Variants in ECE1 observed in about 807,000 individuals in gnomAD.
ECE1 encodes the protein endothelin converting enzyme 1.
In ECE1, 35 loss-of-function variants were observed where a neutral mutation model predicts 98.6. The ratio of observed to expected loss-of-function variants is 0.35; its 90% CI spans 0.27 to 0.47. The LOEUF (loss-of-function observed/expected upper bound fraction) is 0.47, where lower values mean the gene tolerates loss of function less well. Ranked by LOEUF, ECE1 falls within the 20% of genes least tolerant of loss-of-function variation. The pLI is 1.00. For synonymous variants in ECE1, 394 were observed against 407.1 expected (o/e 0.97, Z 0.39); for missense variants, 814 against 1,025.3 (o/e 0.79, Z 2.81).
rs1465744677 is a variant in ECE1 at position 21,235,793 on chromosome 1, G to A, written c.1566+57C>T. Reference sequence around the variant, plus strand: ...CCCCATCTGGACCCAGCCCTGCCTCGGCCCTTTTCTAAGGGGGCATTTAGG... The same window carrying A: ...CCCCATCTGGACCCAGCCCTGCCTCAGCCCTTTTCTAAGGGGGCATTTAGG... On this transcript the variant is annotated intron_variant, in intron 13 of 18. Coordinates refer to ENST00000374893, the MANE Select transcript of ECE1 (RefSeq NM_001397.3). The surrounding 1 kb of genome is among the most constrained non-coding windows in gnomAD (Gnocchi z 4.2). 2.2e-5 allele frequency: 35 copies of A among 1,563,368 alleles called. No homozygotes were observed. The highest frequency in any genetic ancestry group is 4.5e-5 in the East Asian group (2 of 44,624).
chr1:21,238,142 T>G lies in ECE1; in HGVS notation c.1381A>C (p.Lys461Gln). ...FVKATFAEDS[K>Q]SIATEIILEI... ...ACGGGGAAGGCACTTACTATGCTCTTGCTGTCCTCGGCGAAGGTTGCTTTG... is the reference window on the plus strand; with the variant it reads ...ACGGGGAAGGCACTTACTATGCTCTGGCTGTCCTCGGCGAAGGTTGCTTTG... Residue 461 changes from lysine to glutamine, a missense_variant, in exon 11 of 19, where the codon AAG becomes CAG. Physicochemically the swap from Lys to Gln is moderately conservative, Grantham distance 53. Transcript: ENST00000374893. 6.2e-7 allele frequency: 1 copy of G among 1,614,210 alleles called. No homozygotes were observed. The highest frequency in any genetic ancestry group is 1.1e-5 in the South Asian group (1 of 91,082).
Position 21,276,026 on chromosome 1 carries a change from C to CTTT in ECE1, c.281-3118_281-3116dup, listed in dbSNP as rs532213567. On this transcript the variant is annotated intron_variant, in intron 3 of 18. Transcript: ENST00000374893. ...GCAACTAGCAGCTGTTTAATACGTGCTTTTTTTTTTTTTTTTTTTTTTTGA... is the reference window on the plus strand; with the variant it reads ...GCAACTAGCAGCTGTTTAATACGTGCTTTTTTTTTTTTTTTTTTTTTTTTTTGA... Among the ~76,000 whole-genome samples, 647 of 91,216 alleles carry CTTT rather than the reference C, an allele frequency of 7.1e-3. 6 individuals carry two copies. Among genetic ancestry groups the CTTT allele is most frequent in the African/African-American group, 0.016 (312 of 19,544 alleles). The allele number at this position is 91,216 out of a possible 152,430, so 59.8% of individuals were successfully genotyped here.
intron 2 of ECE1, among the ~76,000 whole-genome samples, chr1:21,285,506 G>C (rs1457404125): frequency 6.6e-6 from 1 of 151,996 alleles, no homozygotes; most frequent in Non-Finnish European, 1.5e-5. Flanking sequence ...AGTATTGAGC[G>C]GGCTTGTCCC....
At position 21,233,412 on chromosome 1, in the gene ECE1, G is replaced by T; in HGVS notation, c.1670+146C>A. On this transcript the variant is annotated intron_variant, in intron 14 of 18. Transcript: ENST00000374893. This position sits in a 1 kb window ranked among gnomAD's most constrained non-coding sequence, Gnocchi z 4.0. The stretch of plus-strand genomic sequence containing the variant: ...CCCTTGGTTTCTTCATCTGAAAAGT[G>T]GGATAACAAGGGCATCCACTCTTCA... 2 of 666,564 alleles carry T rather than the reference G, an allele frequency of 3.0e-6. No individual in the cohort carries two copies. Among genetic ancestry groups the T allele is most frequent in the Non-Finnish European group, 5.1e-6 (2 of 394,430 alleles). 41.3% of individuals were successfully genotyped at this position (666,564 alleles called of 1,614,324 possible).
chr1:21,326,169 A>G (rs1174354075), intron 1 of ECE1, among the ~76,000 whole-genome samples: 1 of 151,896 alleles, frequency 6.6e-6, no homozygotes, highest in Non-Finnish European at 1.5e-5. Context: ...GCTGCTTCCC[A>G]GACTCAGCTG....
Position 21,225,106 on chromosome 1 carries a change from G to A in ECE1, c.2040+144C>T, listed in dbSNP as rs2098172221. The stretch of plus-strand genomic sequence containing the variant: ...ACGGTCGGCATCGCGATTGGTCCTC[G>A]CCACCCCCAATTTCGCAGAAGAGGA... On this transcript the variant is annotated intron_variant, in intron 17 of 18. Coordinates refer to ENST00000374893, the MANE Select transcript of ECE1 (RefSeq NM_001397.3). The surrounding 1 kb of genome is among the most constrained non-coding windows in gnomAD (Gnocchi z 5.3). 6.3e-6 allele frequency: 7 copies of A among 1,117,020 alleles called. No homozygotes were observed. Among genetic ancestry groups the A allele is most frequent in the Admixed American group, 2.2e-5 (1 of 44,760 alleles). 69.2% of individuals were successfully genotyped at this position (1,117,020 alleles called of 1,614,324 possible). A position where few individuals can be genotyped will look rare whatever the true frequency, so the allele number is the denominator to read the frequency against.
chr1:21,299,905 T>C (rs1195427926), intron 1 of ECE1: 3 of 152,212 alleles, frequency 2.0e-5, no homozygotes, highest in African/African-American at 4.8e-5. Context: ...TTTCATTCCA[T>C]AGAGTCCTTT....
Position 21,270,699 on chromosome 1 carries a change from A to C in ECE1, c.493+2000T>G, listed in dbSNP as rs376423855. On this transcript the variant is annotated intron_variant, in intron 4 of 18. Transcript: ENST00000374893. ...AAACAGCAGCCACCACAACATGCCAAGCCTAGGCATGGTTTAAATACATTT... is the reference window on the plus strand; with the variant it reads ...AAACAGCAGCCACCACAACATGCCACGCCTAGGCATGGTTTAAATACATTT... Among the ~76,000 whole-genome samples the C allele has an allele frequency of 6.6e-5, 10 of 152,230 alleles. No homozygotes were observed. The East Asian group carries it at 7.7e-4, about 12-fold the overall frequency.
chr1:21,342,842 G>A (rs1234272355), intron 1 of ECE1, among the ~76,000 whole-genome samples: 1 of 152,180 alleles, frequency 6.6e-6, no homozygotes, highest in African/African-American at 2.4e-5. Flanking sequence ...TAAAATGACA[G>A]GAGCCAGGGA....
rs2098204345 is a variant in ECE1, at chr1:21,246,849, C to T, written c.1163+372G>A. ...TAATTTTTTATTTTTTGTAGAGACA[C>T]CGTCTCGCCATGTTGCCCAGGCTGG... On this transcript the variant is annotated intron_variant, in intron 9 of 18. Transcript: ENST00000374893. Among the ~76,000 whole-genome samples, 3 of 152,126 alleles carry T rather than the reference C, an allele frequency of 2.0e-5. 1 individual carries two copies. In the South Asian group the frequency reaches 6.2e-4, roughly 32 times the overall value.
In ECE1 at chr1:21,225,292, C is replaced by T; in HGVS notation, c.1998G>A (p.Gly666=). Residue 666 remains glycine (G), a synonymous_variant, in exon 17 of 19, where the codon GGG becomes GGA. Coordinates refer to ENST00000374893, the MANE Select transcript of ECE1 (RefSeq NM_001397.3). This position sits in a 1 kb window ranked among gnomAD's most constrained non-coding sequence, Gnocchi z 5.3. ...GEPVNGRHTL[G]ENIADNGGLK... ...GACCCCCGTTGTCGGCGATGTTCTC[C>T]CCCAGGGTGTGCCGCCCGTTCACCG... 6.2e-7 allele frequency: 1 copy of T among 1,614,224 alleles called. No homozygotes were observed. Among genetic ancestry groups the T allele is most frequent in the Middle Eastern group, 1.6e-4 (1 of 6,062 alleles).
chr1:21,257,425 G>T, intron 7 of ECE1, 100 bp downstream of exon 7: 1 of 1,347,918 alleles, frequency 7.4e-7, no homozygotes. Context: ...TGACACCCCT[G>T]GGCTCCCCTA....
chr1:21,278,021 G>C (rs142751291), intron 3 of ECE1, among the ~76,000 whole-genome samples: 238 of 152,262 alleles, frequency 1.6e-3, no homozygotes, highest in African/African-American at 5.5e-3. Flanking sequence ...ACTTCACAGA[G>C]GGAAGGCTCC....
chr1:21,330,226 CTT>C (rs71014186), intron 1 of ECE1, among the ~76,000 whole-genome samples: 30 of 43,398 alleles, frequency 6.9e-4, no homozygotes, highest in South Asian at 1.7e-3. Context: ...TCGCCAAATA[CTT>C]TTTTTTTTTT....
At chr1:21,292,644 ACT>A (rs1411582754), upstream of ECE1, among the ~76,000 whole-genome samples, 1 of 151,544 alleles carries the variant, frequency 6.6e-6, no homozygotes, top group Non-Finnish European at 1.5e-5. Context: ...TCCAACAGAG[ACT>A]CTCCATCACC....
At chr1:21,317,708 G>C (rs937124279) in intron 1 of ECE1, among the ~76,000 whole-genome samples, 1 of 152,140 alleles carries the variant, frequency 6.6e-6, no homozygotes, top group Non-Finnish European at 1.5e-5. Flanking sequence ...AGTTCTCTTC[G>C]GCCTCTCCTG....
chr1:21,321,480 G>A (rs1241491922), intron 1 of ECE1, among the ~76,000 whole-genome samples: 2 of 152,208 alleles, frequency 1.3e-5, no homozygotes, highest in Non-Finnish European at 2.9e-5. Flanking sequence ...ACAATTTCCA[G>A]TGCAGTGGCC....
chr1:21,254,251 A>G (rs1477129636), intron 8 of ECE1, among the ~76,000 whole-genome samples: 1 of 152,058 alleles, frequency 6.6e-6, no homozygotes, highest in Non-Finnish European at 1.5e-5. Flanking sequence ...GAGAGAATCC[A>G]TATATTTCCT....
In ECE1 at chr1:21,305,507, T is replaced by C. The variant is rs190733147; in HGVS notation, c.4-15351A>G. Among the ~76,000 whole-genome samples the C allele has an allele frequency of 1.1e-3, 171 of 152,204 alleles. 2 individuals carry two copies. Among genetic ancestry groups the C allele is most frequent in the Non-Finnish European group, 6.0e-4 (41 of 68,030 alleles). Reference sequence around the variant, plus strand: ...AATGGCATAACAATCTGTCCCTCACTCTCAAAACTGGGCACATACACCAAC... The same window carrying C: ...AATGGCATAACAATCTGTCCCTCACCCTCAAAACTGGGCACATACACCAAC... On this transcript the variant is annotated intron_variant, in intron 1 of 18. Coordinates refer to the ECE1 transcript ENST00000415912.
Sources: gnomAD v4.1 joint callset for allele counts (sites outside exome capture counted in the v4.1 genomes callset) on GRCh38, gnomAD v4.1.1 for gene constraint, Gnocchi (gnomAD v3.1) non-coding constraint, MANE v1.5 for transcripts, NCBI Gene and HGNC (gene_info 2026-07-23, HGNC 2026-07-21) for gene names.